Variants in CDKL3 observed in about 807,000 individuals in gnomAD.
CDKL3 encodes the protein cyclin dependent kinase like 3, also known as cyclin-dependent kinase-like 3.
In CDKL3, 65 loss-of-function variants were observed where a neutral mutation model predicts 69.3. The observed-to-expected ratio is 0.94, with a 90% CI of 0.77 to 1.15. The LOEUF is 1.15. CDKL3 is among the 50% of genes most tolerant of loss of function. The pLI is 0.00. For missense variants in CDKL3, 652 were observed against 689.2 expected, an observed-to-expected ratio of 0.95 and a Z score of 0.61; for synonymous variants, 202 against 221.6, an observed-to-expected ratio of 0.91 and a Z score of 0.79.
At chr5:134,337,061 T>C (rs1244509145) in intron 4 of CDKL3, among the ~76,000 whole-genome samples, 1 of 152,166 alleles carries the variant, frequency 6.6e-6, no homozygotes, top group African/African-American at 2.4e-5. Flanking sequence ...AAATGGCGGA[T>C]GCCCCTCCCC....
chr5:134,304,633 A>G (rs961782068), intron 10 of CDKL3, 66 bp from the exon 11 acceptor site: 2 of 1,327,330 alleles, frequency 1.5e-6, no homozygotes, highest in East Asian at 4.8e-5. Flanking sequence ...ACAATCCTAG[A>G]ATTGCTAGCC....
chr5:134,323,657 C>G (rs1773385365), intron 4 of CDKL3, among the ~76,000 whole-genome samples: 1 of 152,084 alleles, frequency 6.6e-6, no homozygotes, highest in Non-Finnish European at 1.5e-5. Flanking sequence ...AGTGCTGGAA[C>G]ATACAAAAAA....
At chr5:134,309,435 T>A (rs933536068) in intron 7 of CDKL3, among the ~76,000 whole-genome samples, 1 of 152,200 alleles carries the variant, frequency 6.6e-6, no homozygotes, top group African/African-American at 2.4e-5. Context: ...ACTTCTAAAA[T>A]CTTACTCTAG....
At chr5:134,312,720 T>C (rs1769903904) in intron 6 of CDKL3, among the ~76,000 whole-genome samples, 1 of 152,228 alleles carries the variant, frequency 6.6e-6, no homozygotes, top group South Asian at 2.1e-4. Context: ...ATCATTTGCA[T>C]TTTACAGATC....
chr5:134,344,333 C>T (rs1751274447), intron 4 of CDKL3, among the ~76,000 whole-genome samples: 1 of 151,984 alleles, frequency 6.6e-6, no homozygotes, highest in Non-Finnish European at 1.5e-5. Context: ...AATCAAAAGA[C>T]AGAATCAAGA....
At chr5:134,368,519 G>A (rs911459821), upstream of CDKL3, among the ~76,000 whole-genome samples, 1 of 150,752 alleles carries the variant, frequency 6.6e-6, no homozygotes, top group East Asian at 2.0e-4. Flanking sequence ...CTCGGGAGGC[G>A]GAGGCAGGAG....
chr5:134,317,276 C>T (rs1473445268), intron 6 of CDKL3, among the ~76,000 whole-genome samples: 4 of 152,086 alleles, frequency 2.6e-5, no homozygotes, highest in African/African-American at 9.7e-5. Context: ...GCTGGGACTA[C>T]AGGTGCACGC....
At position 134,298,463 on chromosome 5, in the gene CDKL3, T is replaced by A; in HGVS notation, c.*188A>T. Reference sequence around the variant, plus strand: ...ATGACTTTATAATTCCAAATCAAATTATCACATCAACAGAGTCTTAAAAGG... The same window carrying A: ...ATGACTTTATAATTCCAAATCAAATAATCACATCAACAGAGTCTTAAAAGG... On this transcript the variant is annotated 3_prime_UTR_variant, in exon 13 of 13. Coordinates refer to ENST00000265334, the MANE Select transcript of CDKL3 (RefSeq NM_001113575.2). 1 of 1,347,030 alleles carries A rather than the reference T, an allele frequency of 7.4e-7. No individual in the cohort carries two copies. The highest frequency in any genetic ancestry group is 2.1e-5 in the South Asian group (1 of 46,992). The allele number at this position is 1,347,030 out of a possible 1,614,324, so 83.4% of individuals were successfully genotyped here.
intron 3 of CDKL3, among the ~76,000 whole-genome samples, chr5:134,355,082 T>G (rs868668804): frequency 2.0e-5 from 3 of 149,050 alleles, no homozygotes; most frequent in Non-Finnish European, 3.0e-5. Flanking sequence ...TGGTGAGACC[T>G]TGGCACTACT....
At chr5:134,284,706 AG>A (rs1232108181), downstream of CDKL3, among the ~76,000 whole-genome samples, 1 of 152,200 alleles carries the variant, frequency 6.6e-6, no homozygotes, top group Non-Finnish European at 1.5e-5. Context: ...CCCCCTGGGA[AG>A]GCATTCCTTT....
At chr5:134,369,916 C>T (rs1003043815), upstream of CDKL3, among the ~76,000 whole-genome samples, 1 of 152,106 alleles carries the variant, frequency 6.6e-6, no homozygotes, top group South Asian at 2.1e-4. Context: ...TGTCTTCCTC[C>T]TTTGCTATTG....
intron 4 of CDKL3, among the ~76,000 whole-genome samples, chr5:134,327,966 T>C (rs1774821825): frequency 6.6e-6 from 1 of 152,138 alleles, no homozygotes; most frequent in Admixed American, 6.6e-5. Flanking sequence ...GCTGGGGGTA[T>C]TGGCTCCATG....
intron 3 of CDKL3, among the ~76,000 whole-genome samples, chr5:134,358,349 T>C (rs754040800): frequency 2.6e-5 from 4 of 152,122 alleles, no homozygotes; most frequent in Non-Finnish European, 4.4e-5. Context: ...CTAGCTACAG[T>C]TCAAAATTCT....
intron 2 of CDKL3, among the ~76,000 whole-genome samples, chr5:134,361,078 A>G (rs1755886508): frequency 6.6e-6 from 1 of 152,232 alleles, no homozygotes; most frequent in African/African-American, 2.4e-5. Context: ...AAATAATTTT[A>G]AAATGTAAAT....
At chr5:134,309,274 G>A (rs1768747280) in intron 7 of CDKL3, among the ~76,000 whole-genome samples, 1 of 152,098 alleles carries the variant, frequency 6.6e-6, no homozygotes. Context: ...TAGAGACGCG[G>A]TTTCTCCATG....
chr5:134,343,804 A>T (rs1401711885), intron 4 of CDKL3, among the ~76,000 whole-genome samples: 1 of 152,006 alleles, frequency 6.6e-6, no homozygotes, highest in Non-Finnish European at 1.5e-5. Context: ...GCCTCCCTCT[A>T]CCCACCAAGT....
intron 3 of CDKL3, among the ~76,000 whole-genome samples, chr5:134,357,105 C>T (rs1445724040): frequency 1.3e-5 from 2 of 152,158 alleles, no homozygotes; most frequent in South Asian, 2.1e-4. Context: ...TTTTGTATCC[C>T]CAATATTATT....
In CDKL3 at chr5:134,308,272, A is replaced by G. The variant is rs1249810879; in HGVS notation, c.1230T>C (p.Asn410=). Residue 410 remains asparagine, a synonymous_variant, in exon 9 of 13, where the codon AAT becomes AAC. Transcript: ENST00000265334. ...LVTIEPPNPI[N]PSTNCNGLKE... ...TCAAGCCATTACAGTTAGTGCTGGG[A>G]TTGATAGGGTTTGGTGGTTCAATGG... 9 of 1,613,928 alleles carry G rather than the reference A, an allele frequency of 5.6e-6. No individual in the cohort carries two copies. The highest frequency in any genetic ancestry group is 6.8e-6 in the Non-Finnish European group (8 of 1,179,860).
chr5:134,299,711 G>T, intron 12 of CDKL3: 1 of 1,534,460 alleles, frequency 6.5e-7, no homozygotes, highest in South Asian at 1.2e-5. Context: ...TCTACATCTG[G>T]CAAGTTCTTC....
Sources: gnomAD v4.1 joint callset for allele counts (sites outside exome capture counted in the v4.1 genomes callset) on GRCh38, gnomAD v4.1.1 for gene constraint, MANE v1.5 for transcripts, NCBI Gene and HGNC (gene_info 2026-07-23, HGNC 2026-07-21) for gene names.